Variants in TRIM36 observed in about 807,000 individuals in gnomAD.
TRIM36 encodes the protein E3 ubiquitin-protein ligase TRIM36.
A neutral mutation model predicts 72.4 loss-of-function variants in TRIM36; 42 were observed. The ratio of observed to expected loss-of-function variants is 0.58; its 90% CI spans 0.45 to 0.75. The LOEUF (loss-of-function observed/expected upper bound fraction) is 0.75. Ranked by LOEUF, TRIM36 falls within the 30% of genes least tolerant of loss-of-function variation. The pLI is 0.00. For missense variants in TRIM36, 913 were observed against 857.1 expected (o/e 1.07, Z -0.81); for synonymous variants, 315 against 282.8 (o/e 1.11, Z -1.14).
chr5:115,166,687 C>T (rs747581602), intron 1 of TRIM36, among the ~76,000 whole-genome samples: 8 of 152,174 alleles, frequency 5.3e-5, no homozygotes, highest in Non-Finnish European at 8.8e-5. Flanking sequence ...TTGTGGGTGA[C>T]GATGAGGAGA....
Position 115,147,153 on chromosome 5 carries a change from ATTGCAGTAAC to A in TRIM36, c.494_503del (p.Ser165MetfsTer13). 6.2e-7 allele frequency: 1 copy of A among 1,614,230 alleles called. No individual in the cohort carries two copies. Among genetic ancestry groups the A allele is most frequent in the Non-Finnish European group, 8.5e-7 (1 of 1,180,038 alleles). On this transcript the variant is annotated frameshift_variant, in exon 3 of 10. Coordinates refer to ENST00000513154, the MANE Select transcript of TRIM36 (RefSeq NM_001300759.2). LOFTEE classifies it high-confidence loss of function. ...AAGGGTGATGAATTTTGAAGCATTC[ATTGCAGTAAC>A]TTGCACTACAGTCCATGCAGCTTTT...
chr5:115,150,447 TATA>T (rs1753827566), intron 2 of TRIM36, among the ~76,000 whole-genome samples: 1 of 152,208 alleles, frequency 6.6e-6, no homozygotes, highest in South Asian at 2.1e-4. Context: ...ACATTTCCAT[TATA>T]GTAGAAAGTT....
chr5:115,133,123 C>G lies in TRIM36; in HGVS notation c.1498+737G>C, dbSNP rs201402611. On this transcript the variant is annotated intron_variant, in intron 8 of 9. Coordinates refer to ENST00000513154, the MANE Select transcript of TRIM36 (RefSeq NM_001300759.2). ...AGTGGACCTAAAATCCAATTAAAGG[C>G]ATCTCTGAGGCAGTGACTGAAAGGG... 2.6e-5 allele frequency among the ~76,000 whole-genome samples: 4 copies of G among 152,138 alleles called. No individual in the cohort carries two copies. The East Asian group carries it at 7.7e-4, about 29-fold the overall frequency.
intron 7 of TRIM36, 58 bp from the exon 8 acceptor site, chr5:115,134,205 T>G: frequency 6.9e-7 from 1 of 1,446,598 alleles, no homozygotes; most frequent in Non-Finnish European, 9.2e-7. Context: ...AAAACCAGTG[T>G]TTTTCCTCAA....
intron 2 of TRIM36, among the ~76,000 whole-genome samples, chr5:115,162,661 T>C (rs951134617): frequency 3.3e-5 from 5 of 152,136 alleles, no homozygotes; most frequent in Non-Finnish European, 7.3e-5. Flanking sequence ...TTTTCTTTGG[T>C]CAATCAAGCA....
chr5:115,163,805 C>T (rs902313985), intron 1 of TRIM36, 53 bp from the exon 2 acceptor site: 3 of 1,303,048 alleles, frequency 2.3e-6, no homozygotes, highest in African/African-American at 1.5e-5. Context: ...AATATATTAA[C>T]ATTCTTATAC....
At chr5:115,172,354 C>T (rs1755153400), upstream of TRIM36, among the ~76,000 whole-genome samples, 2 of 152,112 alleles carry the variant, frequency 1.3e-5, no homozygotes, top group South Asian at 4.1e-4. Flanking sequence ...TTATTGAGAC[C>T]TTATTTATAA....
intron 9 of TRIM36, among the ~76,000 whole-genome samples, chr5:115,129,904 T>C (rs1752582430): frequency 6.6e-6 from 1 of 152,240 alleles, no homozygotes; most frequent in Non-Finnish European, 1.5e-5. Context: ...TCTCATGTTA[T>C]GAACTTTTTA....
intron 2 of TRIM36, chr5:115,159,681 T>A: frequency 2.2e-6 from 1 of 451,024 alleles, no homozygotes; most frequent in Non-Finnish European, 4.4e-6. Flanking sequence ...CTGTGAACAA[T>A]GAACAGAAAG....
intron 1 of TRIM36, chr5:115,177,809 C>T (rs762880665): frequency 6.2e-7 from 1 of 1,614,116 alleles, no homozygotes; most frequent in South Asian, 1.1e-5. Context: ...GGACAGCGGG[C>T]CTCTCCACCT....
intron 4 of TRIM36, among the ~76,000 whole-genome samples, chr5:115,141,951 A>C (rs550101859): frequency 6.6e-6 from 1 of 152,278 alleles, no homozygotes; most frequent in African/African-American, 2.4e-5. Context: ...GACCTTTTTA[A>C]ATAAGTATAG....
At chr5:115,144,868 T>C in intron 3 of TRIM36, 124 bp from the exon 4 acceptor site, 2 of 1,068,534 alleles carry the variant, frequency 1.9e-6, no homozygotes, top group African/African-American at 1.6e-5. Flanking sequence ...AATATGAATG[T>C]AAAAAGAAAA....
At position 115,152,071 on chromosome 5, in the gene TRIM36, G is replaced by A. The variant is rs114319841; in HGVS notation, c.263-4677C>T. ...AATCCAGAAGGTTACTAAGCTAATC[G>A]AGGAGACACCAGAAAAAGGCAAAGA... On this transcript the variant is annotated intron_variant, in intron 2 of 9. Coordinates refer to ENST00000513154, the MANE Select transcript of TRIM36 (RefSeq NM_001300759.2). Among the ~76,000 whole-genome samples, 770 of 152,178 alleles carry A rather than the reference G, an allele frequency of 5.1e-3. 7 individuals carry two copies. The highest frequency in any genetic ancestry group is 0.016 in the African/African-American group (667 of 41,532).
intron 3 of TRIM36, 43 bp downstream of exon 3, chr5:115,147,026 T>C (rs747386940): frequency 1.3e-6 from 2 of 1,501,102 alleles, no homozygotes; most frequent in Non-Finnish European, 1.8e-6. Flanking sequence ...TTTCATAACA[T>C]TAAGTTAAAA....
intron 2 of TRIM36, among the ~76,000 whole-genome samples, chr5:115,152,230 G>C (rs1244971238): frequency 1.3e-5 from 2 of 152,100 alleles, no homozygotes; most frequent in Admixed American, 1.3e-4. Flanking sequence ...AAATGCTCTG[G>C]AAAGTCTTAG....
intron 1 of TRIM36, among the ~76,000 whole-genome samples, chr5:115,179,167 C>A (rs1755488716): frequency 6.6e-6 from 1 of 152,230 alleles, no homozygotes; most frequent in Non-Finnish European, 1.5e-5. Context: ...TACTTCCCGA[C>A]ACGTTCCGCC....
At chr5:115,136,936 T>G in intron 7 of TRIM36, 64 bp downstream of exon 7, 1 of 1,437,774 alleles carries the variant, frequency 7.0e-7, no homozygotes, top group South Asian at 1.7e-5. Context: ...AGAACTTGTG[T>G]TTTCTTCCAC....
chr5:115,149,805 C>T (rs1753791436), intron 2 of TRIM36, among the ~76,000 whole-genome samples: 2 of 152,084 alleles, frequency 1.3e-5, no homozygotes, highest in Non-Finnish European at 2.9e-5. Flanking sequence ...GTCGTCCAGG[C>T]TGGAGTGCAG....
At chr5:115,163,456 A>G in intron 2 of TRIM36, 62 bp downstream of exon 2, 1 of 1,392,706 alleles carries the variant, frequency 7.2e-7, no homozygotes, top group Non-Finnish European at 1.0e-6. Flanking sequence ...TCCAGTTACC[A>G]CTGAATATAT....
Sources: gnomAD v4.1 joint callset for allele counts (sites outside exome capture counted in the v4.1 genomes callset) on GRCh38, gnomAD v4.1.1 for gene constraint, MANE v1.5 for transcripts, NCBI Gene and HGNC (gene_info 2026-07-23, HGNC 2026-07-21) for gene names.